The following ZMAT4 variants were observed in gnomAD, a reference collection of about 807,000 sequenced individuals.
ZMAT4 encodes zinc finger matrin-type protein 4.
Under a neutral mutation model 28.7 loss-of-function variants are expected in ZMAT4, and 17 were observed. The ratio of observed to expected loss-of-function variants is 0.59; its 90% confidence interval spans 0.41 to 0.89. The LOEUF (loss-of-function observed/expected upper bound fraction) is 0.89, where lower values mean the gene tolerates loss of function less well. ZMAT4 is among the 40% of genes least tolerant of loss of function. ZMAT4 has a pLI of 0.00. For missense variants in ZMAT4, 240 were observed against 283.8 expected (o/e 0.85, Z 1.11); for synonymous variants, 117 against 109.2 (o/e 1.07, Z -0.44).
At chr8:40,850,210 C>A (rs1817050788) in intron 1 of ZMAT4, among the ~76,000 whole-genome samples, 1 of 152,074 alleles carries the variant, frequency 6.6e-6, no homozygotes, top group Non-Finnish European at 1.5e-5. Flanking sequence ...TTGCTTCAAG[C>A]CTGGAAATGC....
At position 40,755,864 on chromosome 8, in the gene ZMAT4, C is replaced by G. The variant is rs186123656; in HGVS notation, c.192+11777G>C. ...AGCTTACAGACCACACAAAAACAGG[C>G]AGTGGCTGAATTTGGCCAGTGGTTA... On this transcript the variant is annotated intron_variant, in intron 3 of 6. Coordinates refer to ENST00000297737, the MANE Select transcript of ZMAT4 (RefSeq NM_024645.3). Among the ~76,000 whole-genome samples the G allele has an allele frequency of 2.3e-4, 35 of 152,230 alleles. No individual in the cohort carries two copies. The East Asian group carries it at 4.4e-3, about 19-fold the overall frequency.
chr8:40,865,646 C>A (rs1817650282), intron 1 of ZMAT4, among the ~76,000 whole-genome samples: 1 of 152,176 alleles, frequency 6.6e-6, no homozygotes, highest in East Asian at 1.9e-4. Context: ...GGGATTATGC[C>A]TTTTATATTC....
intron 3 of ZMAT4, among the ~76,000 whole-genome samples, chr8:40,726,199 T>C (rs1377335468): frequency 6.6e-6 from 1 of 152,238 alleles, no homozygotes; most frequent in African/African-American, 2.4e-5. Context: ...CCTGCCTTTA[T>C]GCAAACTCTG....
chr8:40,734,250 C>G (rs1278134520), intron 3 of ZMAT4, among the ~76,000 whole-genome samples: 1 of 152,132 alleles, frequency 6.6e-6, no homozygotes, highest in Non-Finnish European at 1.5e-5. Context: ...CATGGCTGGC[C>G]TCTCCTGCTA....
intron 2 of ZMAT4, chr8:40,808,447 G>A (rs894810681): frequency 2.5e-6 from 1 of 404,254 alleles, no homozygotes; most frequent in Non-Finnish European, 4.9e-6. Flanking sequence ...AGACAGCTTG[G>A]CAATAAATGT....
chr8:40,643,908 G>A (rs1256335985), intron 5 of ZMAT4, among the ~76,000 whole-genome samples: 1 of 151,900 alleles, frequency 6.6e-6, no homozygotes, highest in Non-Finnish European at 1.5e-5. Flanking sequence ...TAATTTTTAA[G>A]AGGTGAAGCT....
intron 2 of ZMAT4, among the ~76,000 whole-genome samples, chr8:40,817,197 A>C (rs1815575971): frequency 6.6e-6 from 1 of 152,208 alleles, no homozygotes; most frequent in Non-Finnish European, 1.5e-5. Flanking sequence ...TTTCTAAAAA[A>C]TAAATCGGAA....
intron 1 of ZMAT4, among the ~76,000 whole-genome samples, chr8:40,839,263 G>A (rs893475380): frequency 2.6e-5 from 4 of 152,188 alleles, no homozygotes; most frequent in South Asian, 2.1e-4. Context: ...AGAGGCTGGC[G>A]AGACGAAAGC....
intron 6 of ZMAT4, among the ~76,000 whole-genome samples, chr8:40,576,073 T>G (rs1804253049): frequency 6.6e-6 from 1 of 151,778 alleles, no homozygotes; most frequent in Admixed American, 6.6e-5. Context: ...GAAGAAATAA[T>G]TTCTAAGCTT....
chr8:40,588,250 G>T (rs1223105956), intron 5 of ZMAT4, among the ~76,000 whole-genome samples: 1 of 151,894 alleles, frequency 6.6e-6, no homozygotes, highest in Admixed American at 6.6e-5. Flanking sequence ...GAAACAAAAA[G>T]TATTGACTCT....
intron 3 of ZMAT4, among the ~76,000 whole-genome samples, chr8:40,709,011 C>T (rs868103701): frequency 2.0e-5 from 3 of 152,008 alleles, no homozygotes; most frequent in Non-Finnish European, 4.4e-5. Context: ...GAAGTATAAG[C>T]AGTCATCCTT....
At chr8:40,718,561 C>T (rs181379983) in intron 3 of ZMAT4, among the ~76,000 whole-genome samples, 1 of 152,006 alleles carries the variant, frequency 6.6e-6, no homozygotes, top group African/African-American at 2.4e-5. Flanking sequence ...AAAGTCTGGG[C>T]AAAGGTGGAG....
At chr8:40,627,868 A>G (rs748706410) in intron 5 of ZMAT4, among the ~76,000 whole-genome samples, 4 of 152,190 alleles carry the variant, frequency 2.6e-5, no homozygotes, top group Non-Finnish European at 4.4e-5. Context: ...AGATAAGTCC[A>G]TAGCTGTGAA....
chr8:40,690,891 T>C (rs1346676878), intron 4 of ZMAT4: 4 of 983,832 alleles, frequency 4.1e-6, no homozygotes, highest in East Asian at 1.1e-4. Context: ...TTACAATACA[T>C]GCAATGAATG....
chr8:40,748,670 A>G (rs1264554515), intron 3 of ZMAT4, among the ~76,000 whole-genome samples: 1 of 152,184 alleles, frequency 6.6e-6, no homozygotes, highest in African/African-American at 2.4e-5. Flanking sequence ...CTTCTTTAAA[A>G]CAAGAATGGT....
chr8:40,701,184 A>G (rs1263567050), intron 3 of ZMAT4, among the ~76,000 whole-genome samples: 4 of 152,252 alleles, frequency 2.6e-5, no homozygotes, highest in African/African-American at 9.6e-5. Flanking sequence ...GTTTTAATAT[A>G]TATTCCTAGA....
intron 6 of ZMAT4, among the ~76,000 whole-genome samples, chr8:40,539,238 G>A (rs1368386046): frequency 2.0e-5 from 3 of 152,168 alleles, no homozygotes; most frequent in Admixed American, 1.3e-4. Flanking sequence ...TTAAAGGCCT[G>A]ACACACATTA....
intron 5 of ZMAT4, among the ~76,000 whole-genome samples, chr8:40,619,610 A>G (rs1252365844): frequency 6.6e-6 from 1 of 152,226 alleles, no homozygotes; most frequent in Non-Finnish European, 1.5e-5. Flanking sequence ...ACAGGGAGAC[A>G]GGACAGGCAT....
At chr8:40,867,274 T>C (rs919721469) in intron 1 of ZMAT4, among the ~76,000 whole-genome samples, 1 of 152,194 alleles carries the variant, frequency 6.6e-6, no homozygotes, top group East Asian at 1.9e-4. Context: ...ATATATATCA[T>C]AATATTCTAA....
Sources: gnomAD v4.1 joint callset for allele counts (sites outside exome capture counted in the v4.1 genomes callset) on GRCh38, gnomAD v4.1.1 for gene constraint, MANE v1.5 for transcripts, NCBI Gene and HGNC (gene_info 2026-07-23, HGNC 2026-07-21) for gene names.